Variants in ABLIM2 observed in about 807,000 individuals in gnomAD.
The protein encoded by ABLIM2 is actin-binding LIM protein 2.
In ABLIM2, 53 loss-of-function variants were observed where a neutral mutation model predicts 97.7. The ratio of observed to expected loss-of-function variants is 0.54; its 90% CI spans 0.44 to 0.68. ABLIM2 has a LOEUF of 0.68. Among genes scored for constraint, ABLIM2 ranks in the 30% least tolerant of loss-of-function variants. ABLIM2 has a pLI of 0.00. For synonymous variants in ABLIM2, 361 were observed against 345.8 expected, an observed-to-expected ratio of 1.04 and a Z score of -0.49; for missense variants, 835 against 867.2, an observed-to-expected ratio of 0.96 and a Z score of 0.47.
At chr4:7,981,044 C>T (rs375667307) in intron 20 of ABLIM2, among the ~76,000 whole-genome samples, 2 of 149,606 alleles carry the variant, frequency 1.3e-5, no homozygotes. Context: ...CCCAGGTTCA[C>T]GCCATTCTCC....
chr4:8,013,187 G>C (rs1766243211), intron 14 of ABLIM2, among the ~76,000 whole-genome samples: 1 of 150,286 alleles, frequency 6.7e-6, no homozygotes, highest in African/African-American at 2.4e-5. Context: ...CATCAGATAA[G>C]CACTGTATTG....
intron 1 of ABLIM2, among the ~76,000 whole-genome samples, chr4:8,158,090 G>A (rs906824063): frequency 2.0e-5 from 3 of 152,218 alleles, no homozygotes; most frequent in Non-Finnish European, 4.4e-5. Context: ...GAAAGGCAGG[G>A]GTGCGACGCG....
In ABLIM2 at chr4:8,095,061, T is replaced by C. The variant is rs866526810; in HGVS notation, c.338+2038A>G. 8.0e-5 allele frequency among the ~76,000 whole-genome samples: 11 copies of C among 138,146 alleles called. 1 individual carries two copies. The South Asian group carries it at 2.3e-3, about 28-fold the overall frequency. 90.6% of individuals were successfully genotyped at this position (138,146 alleles called of 152,430 possible). On this transcript the variant is annotated intron_variant, in intron 3 of 20. Transcript: ENST00000447017. The surrounding 1 kb of genome is among the most constrained non-coding windows in gnomAD (Gnocchi z 4.7). ...CCTTCCTTCCTTCTTTCTTTCTTTC[T>C]CTTTCTTTCTTTCTCTCTCTCTCTC...
rs565503576 is a variant in ABLIM2 at position 8,060,503 on chromosome 4, C to G, written c.763+464G>C. Among the ~76,000 whole-genome samples the G allele has an allele frequency of 5.3e-5, 8 of 152,314 alleles. No homozygotes were observed. The South Asian group carries it at 1.5e-3, about 28-fold the overall frequency. ...AGAAAGCCTCGGCTGCTGCCAGTGA[C>G]CCTCAGTACCTCATTACCAACCTCC... On this transcript the variant is annotated intron_variant, in intron 7 of 20. Coordinates refer to ENST00000447017, the MANE Select transcript of ABLIM2 (RefSeq NM_001130083.2).
rs76693895 is a variant in ABLIM2, at chr4:8,082,038, C to A, written c.455-1236G>T. Among the ~76,000 whole-genome samples, 1 of 151,964 alleles carries A rather than the reference C, an allele frequency of 6.6e-6. No homozygotes were observed. Among genetic ancestry groups the A allele is most frequent in the Admixed American group, 6.5e-5 (1 of 15,274 alleles). ...GTGTGTTTGTCGAAGTGTGTGTCTG[C>A]GTGTGTTTAAGGGTGTGGTTGTGTG... On this transcript the variant is annotated intron_variant, in intron 4 of 20. Coordinates refer to ENST00000447017, the MANE Select transcript of ABLIM2 (RefSeq NM_001130083.2). The surrounding 1 kb of genome is among the most constrained non-coding windows in gnomAD (Gnocchi z 5.6).
intron 17 of ABLIM2, among the ~76,000 whole-genome samples, chr4:7,990,316 C>T (rs1316209178): frequency 6.6e-6 from 1 of 152,098 alleles, no homozygotes; most frequent in East Asian, 1.9e-4. Flanking sequence ...CCTGCCTCAG[C>T]CTCCCGAGTG....
intron 12 of ABLIM2, 81 bp from the exon 13 acceptor site, chr4:8,020,384 T>C (rs746691417): frequency 7.8e-7 from 1 of 1,279,934 alleles, no homozygotes; most frequent in Non-Finnish European, 1.1e-6. Flanking sequence ...GAAAAGCTTA[T>C]TTGCAGCGAG....
In ABLIM2 at chr4:7,999,651, C is replaced by A. The variant is rs1025096213; in HGVS notation, c.1619-6724G>T. Among the ~76,000 whole-genome samples, 1 of 152,094 alleles carries A rather than the reference C, an allele frequency of 6.6e-6. No individual in the cohort carries two copies. Among genetic ancestry groups the A allele is most frequent in the Non-Finnish European group, 1.5e-5 (1 of 68,018 alleles). On this transcript the variant is annotated intron_variant, in intron 16 of 20. Coordinates refer to ENST00000447017, the MANE Select transcript of ABLIM2 (RefSeq NM_001130083.2). This position sits in a 1 kb window ranked among gnomAD's most constrained non-coding sequence, Gnocchi z 4.4. Reference sequence around the variant, plus strand: ...ATGGAAGCAGACAGCCTTCAAGAGGCGGGGTGTGTGTAGTACAGAGAGAGA... The same window carrying A: ...ATGGAAGCAGACAGCCTTCAAGAGGAGGGGTGTGTGTAGTACAGAGAGAGA...
At chr4:8,117,704 G>A (rs771655365) in intron 1 of ABLIM2, among the ~76,000 whole-genome samples, 15 of 151,948 alleles carry the variant, frequency 9.9e-5, no homozygotes, top group African/African-American at 2.2e-4. Context: ...TCCTAGGCTC[G>A]ACCGAGAAGA....
At position 8,061,170 on chromosome 4, in the gene ABLIM2, AG is replaced by A; in HGVS notation, c.676-117del. ...GCACAGGTACTCAGGGGATACTGGA[AG>A]GGCCAGCCCCCACCATCGGGACCCA... On this transcript the variant is annotated intron_variant, in intron 6 of 20. Transcript: ENST00000447017. The surrounding 1 kb of genome is among the most constrained non-coding windows in gnomAD (Gnocchi z 4.5). 1.1e-6 allele frequency: 1 copy of A among 872,786 alleles called. No homozygotes were observed. The highest frequency in any genetic ancestry group is 1.7e-5 in the African/African-American group (1 of 59,962). The allele number at this position is 872,786 out of a possible 1,614,324, so 54.1% of individuals were successfully genotyped here.
chr4:8,143,688 G>A lies in ABLIM2; in HGVS notation c.10+14992C>T, dbSNP rs116785664. Among the ~76,000 whole-genome samples the A allele has an allele frequency of 3.5e-3, 533 of 152,266 alleles. 4 individuals are homozygous for A. Among genetic ancestry groups the A allele is most frequent in the Non-Finnish European group, 5.5e-3 (374 of 68,026 alleles). The stretch of plus-strand genomic sequence containing the variant: ...AAGTGCTTTCTCATGGAGTGTCATC[G>A]CTTACTGCATGCCTTCTTTGTTGGC... On this transcript the variant is annotated intron_variant, in intron 1 of 20. Coordinates refer to ENST00000447017, the MANE Select transcript of ABLIM2 (RefSeq NM_001130083.2).
intron 1 of ABLIM2, among the ~76,000 whole-genome samples, chr4:8,154,250 C>T (rs932787839): frequency 8.1e-5 from 12 of 148,500 alleles, no homozygotes; most frequent in African/African-American, 3.0e-4. Flanking sequence ...GCGTGAGCCA[C>T]CGCACCCAGC....
intron 4 of ABLIM2, among the ~76,000 whole-genome samples, chr4:8,084,831 T>C (rs1005334472): frequency 5.3e-5 from 8 of 152,230 alleles, no homozygotes; most frequent in Non-Finnish European, 5.9e-5. Flanking sequence ...GGGACACCTC[T>C]TGCCCTCGGC....
chr4:8,036,259 A>C lies in ABLIM2; in HGVS notation c.937T>G (p.Leu313Val). Residue 313 changes from leucine to valine, a missense_variant, in exon 10 of 21, where the codon TTG becomes GTG. Coordinates refer to ENST00000447017, the MANE Select transcript of ABLIM2 (RefSeq NM_001130083.2). The part of the protein sequence containing the change: ...LGGEILDYRD[L>V]AALPKSKAIY... ...GCCTTACTTTTAGGAAGGGCTGCCA[A>C]GTCCCTGTAGTCCAGGATCTCACCA... The C allele has an allele frequency of 3.7e-6, 6 of 1,613,880 alleles. No homozygotes were observed. Among genetic ancestry groups the C allele is most frequent in the Non-Finnish European group, 4.2e-6 (5 of 1,179,800 alleles).
intron 8 of ABLIM2, among the ~76,000 whole-genome samples, chr4:8,047,328 A>G (rs1163537872): frequency 1.3e-5 from 2 of 151,180 alleles, no homozygotes; most frequent in East Asian, 3.9e-4. Context: ...CTTATATCCT[A>G]AGCTTGGCAA....
rs1830802063 is a variant in ABLIM2 at position 8,095,048 on chromosome 4, C to A, written c.338+2051G>T. On this transcript the variant is annotated intron_variant, in intron 3 of 20. Transcript: ENST00000447017. This position sits in a 1 kb window ranked among gnomAD's most constrained non-coding sequence, Gnocchi z 4.7. Reference sequence around the variant, plus strand: ...CCCCCACTTCTTTCCTTCCTTCCTTCTTTCTTTCTTTCTCTTTCTTTCTTT... The same window carrying A: ...CCCCCACTTCTTTCCTTCCTTCCTTATTTCTTTCTTTCTCTTTCTTTCTTT... Among the ~76,000 whole-genome samples the A allele has an allele frequency of 2.4e-5, 2 of 82,138 alleles. No individual in the cohort carries two copies. Among genetic ancestry groups the A allele is most frequent in the Admixed American group, 1.4e-4 (1 of 7,382 alleles). 53.9% of individuals were successfully genotyped at this position (82,138 alleles called of 152,430 possible).
chr4:8,097,576 G>A (rs1486279228), intron 2 of ABLIM2, among the ~76,000 whole-genome samples: 12 of 152,168 alleles, frequency 7.9e-5, no homozygotes, highest in Admixed American at 3.9e-4. Flanking sequence ...TCCCACCCTC[G>A]CTAGAGTGCC....
intron 16 of ABLIM2, chr4:8,007,614 G>A: frequency 1.0e-6 from 1 of 991,380 alleles, no homozygotes; most frequent in Non-Finnish European, 1.2e-6. Flanking sequence ...TGAAGCCTGA[G>A]GCTGTGCCTC....
rs1025863884 is a variant in ABLIM2, at chr4:8,085,661, G to A, written c.454+2508C>T. The stretch of plus-strand genomic sequence containing the variant: ...ACGCAGGTCTGGGGGTGCCCACGCT[G>A]CAGCCCCGTCCACTCACGTGGGTCT... On this transcript the variant is annotated intron_variant, in intron 4 of 20. Coordinates refer to ENST00000447017, the MANE Select transcript of ABLIM2 (RefSeq NM_001130083.2). The surrounding 1 kb of genome is among the most constrained non-coding windows in gnomAD (Gnocchi z 6.1). Among the ~76,000 whole-genome samples, 1 of 150,670 alleles carries A rather than the reference G, an allele frequency of 6.6e-6. No individual in the cohort carries two copies. Among genetic ancestry groups the A allele is most frequent in the Non-Finnish European group, 1.5e-5 (1 of 67,806 alleles).
Sources: allele counts gnomAD v4.1 joint callset (sites outside exome capture counted in the v4.1 genomes callset), GRCh38; gene constraint gnomAD v4.1.1; non-coding constraint Gnocchi (gnomAD v3.1); transcripts MANE v1.5; gene names NCBI Gene and HGNC (gene_info 2026-07-23, HGNC 2026-07-21).